ITGA2B: variants seen among roughly 807,000 people sequenced by gnomAD.
ITGA2B encodes integrin subunit alpha 2b.
ITGA2B carries 91 observed loss-of-function variants against 142.0 expected under a neutral mutation model. That is an observed-to-expected ratio of 0.64 (90% CI 0.54 to 0.76). The LOEUF is 0.76. Among genes scored for constraint, ITGA2B ranks in the 30% least tolerant of loss-of-function variants. The pLI, the probability that ITGA2B is intolerant of heterozygous loss-of-function variation, is 0.00. For missense variants in ITGA2B, 1,231 were observed against 1,350.8 expected (o/e 0.91, Z 1.39); for synonymous variants, 536 against 567.2 (o/e 0.94, Z 0.78).
At chr17:44,377,146 C>T in intron 21 of ITGA2B, 58 bp from the exon 22 acceptor site, 5 of 1,292,924 alleles carry the variant, frequency 3.9e-6, no homozygotes, top group Non-Finnish European at 5.5e-6. Context: ...GACAGCCCTG[C>T]CCTGAATGTG....
chr17:44,386,116 C>G lies in ITGA2B; in HGVS notation c.204G>C (p.Val68=). 1.2e-6 allele frequency: 2 copies of G among 1,601,138 alleles called. No individual in the cohort carries two copies. Among genetic ancestry groups the G allele is most frequent in the Non-Finnish European group, 8.5e-7 (1 of 1,176,178 alleles). The change falls in exon 2 of 30, where the codon GTG becomes GTC. Residue 68 remains valine, a synonymous_variant. Coordinates refer to ENST00000262407, the MANE Select transcript of ITGA2B (RefSeq NM_000419.5). ...KDSHGRVAIV[V]GAPRTLGPSQ... is the part of the protein sequence containing the mutation. ...TGGGGCCCAGGGTCCGCGGGGCGCCCACCACGATGGCCACTCTGCATAGGA... is the reference window on the plus strand; with the variant it reads ...TGGGGCCCAGGGTCCGCGGGGCGCCGACCACGATGGCCACTCTGCATAGGA...
Position 44,384,592 on chromosome 17 carries a change from A to T in ITGA2B, c.800-7T>A, listed in dbSNP as rs771587856. The T allele has an allele frequency of 6.2e-7, 1 of 1,614,006 alleles. No individual in the cohort carries two copies. The highest frequency in any genetic ancestry group is 8.5e-7 in the Non-Finnish European group (1 of 1,180,026). On this transcript the variant is annotated splice_region_variant and splice_polypyrimidine_tract_variant and intron_variant, in intron 7 of 29. Transcript: ENST00000262407. ...CCCACGGCCACCGAGTACCCTGAGG[A>T]CAAGGGCGCAAATTAGTCTTTTCCA...
At chr17:44,384,164 A>C in intron 9 of ITGA2B, 26 bp from the exon 10 acceptor site, 2 of 1,612,038 alleles carry the variant, frequency 1.2e-6, no homozygotes, top group Non-Finnish European at 1.7e-6. Flanking sequence ...AGGCGAGAGC[A>C]TCATTCTTGT....
At chr17:44,383,447 G>A (rs1485475164) in intron 12 of ITGA2B, 46 bp downstream of exon 12, 2 of 1,546,172 alleles carry the variant, frequency 1.3e-6, no homozygotes, top group Non-Finnish European at 1.8e-6. Flanking sequence ...CTTTTTGAGT[G>A]GCTGTTAACC....
chr17:44,379,465 G>C (rs971495005), intron 18 of ITGA2B, among the ~76,000 whole-genome samples: 1 of 151,794 alleles, frequency 6.6e-6, no homozygotes, highest in Admixed American at 6.6e-5. Flanking sequence ...TGTTGGCCAG[G>C]TTGGTCTCTA....
intron 20 of ITGA2B, among the ~76,000 whole-genome samples, chr17:44,378,090 A>T (rs1399353822): frequency 6.6e-6 from 1 of 152,190 alleles, no homozygotes; most frequent in Non-Finnish European, 1.5e-5. Context: ...CAATATTGAA[A>T]AAAAGACTGG....
rs1003291622 is a variant in ITGA2B, at chr17:44,375,673, G to A, written c.2645C>T (p.Pro882Leu). 12 of 1,606,228 alleles carry A rather than the reference G, an allele frequency of 7.5e-6. No individual in the cohort carries two copies. Among genetic ancestry groups the A allele is most frequent in the Non-Finnish European group, 1.0e-5 (12 of 1,176,676 alleles). The change falls in exon 26 of 30, where the codon CCG becomes CTG. Residue 882 changes from proline to leucine, a missense_variant. Around this residue, in one of 3 missense-constraint regions of ITGA2B, gnomAD observed 908 missense variants for 1,021.1 expected, o/e 0.89. Coordinates refer to ENST00000262407, the MANE Select transcript of ITGA2B (RefSeq NM_000419.5). ...TCTGCGATCCCGCTTGTGATGGGCCGGGTGAATGGGGGAGGGGCTGGGGAT... is the reference window on the plus strand; with the variant it reads ...TCTGCGATCCCGCTTGTGATGGGCCAGGTGAATGGGGGAGGGGCTGGGGAT... ...LPIPSPSPIH[P>L]AHHKRDRRQI...
intron 13 of ITGA2B, 93 bp downstream of exon 13, chr17:44,380,786 C>T: frequency 6.3e-7 from 1 of 1,587,860 alleles, no homozygotes; most frequent in Non-Finnish European, 8.6e-7. Context: ...GACACCAGGC[C>T]AGGCATGAGC....
At chr17:44,373,055 A>T (rs866666173) in intron 29 of ITGA2B, among the ~76,000 whole-genome samples, 14 of 151,932 alleles carry the variant, frequency 9.2e-5, no homozygotes, top group South Asian at 4.1e-4. Context: ...AATTTTTTTT[A>T]AAAAACTTTT....
At chr17:44,379,063 C>T (rs1273610421) in intron 18 of ITGA2B, among the ~76,000 whole-genome samples, 1 of 151,670 alleles carries the variant, frequency 6.6e-6, no homozygotes, top group Non-Finnish European at 1.5e-5. Context: ...TCTCCTGCCT[C>T]AGCCTCCCAA....
rs777154752 is a variant in ITGA2B at position 44,377,737 on chromosome 17, C to T, written c.2148G>A (p.Val716=). The part of the protein sequence containing the change: ...NQKKENETRV[V]LCELGNPMKK... ...TCATGGGGTTGCCCAGCTCACACAG[C>T]ACCACCCTGGTCTCATTCTCCTTCT... Residue 716 remains valine (V), a synonymous_variant, in exon 21 of 30, where the codon GTG becomes GTA. Coordinates refer to ENST00000262407, the MANE Select transcript of ITGA2B (RefSeq NM_000419.5). 15 of 1,613,988 alleles carry T rather than the reference C, an allele frequency of 9.3e-6. No homozygotes were observed. The highest frequency in any genetic ancestry group is 2.2e-5 in the East Asian group (1 of 44,892).
At chr17:44,378,238 A>T (rs1375839616) in intron 20 of ITGA2B, 124 bp downstream of exon 20, 2 of 1,269,844 alleles carry the variant, frequency 1.6e-6, no homozygotes, top group African/African-American at 1.5e-5. Context: ...TAAAAAAAAA[A>T]TAAAAAATTA....
intron 1 of ITGA2B, among the ~76,000 whole-genome samples, chr17:44,387,922 C>G (rs1225121419): frequency 6.6e-6 from 1 of 152,018 alleles, no homozygotes; most frequent in Admixed American, 6.6e-5. Context: ...AATGCCTCCC[C>G]CACACCTGCC....
At position 44,380,289 on chromosome 17, in the gene ITGA2B, C is replaced by T. The variant is rs1224372315; in HGVS notation, c.1557G>A (p.Gln519=). ...TGTGCCCAGTGGCTCCAACACACAT[C>T]TGGATGTTGAAGCTGCAAAGACGTA... ...TKTPVSCFNI[Q]MCVGATGHNI... is the part of the protein sequence containing the mutation. The change falls in exon 16 of 30, where the codon CAG becomes CAA. Residue 519 remains glutamine (Q), a synonymous_variant. Coordinates refer to ENST00000262407, the MANE Select transcript of ITGA2B (RefSeq NM_000419.5). 2 of 1,614,116 alleles carry T rather than the reference C, an allele frequency of 1.2e-6. No homozygotes were observed. The highest frequency in any genetic ancestry group is 1.7e-6 in the Non-Finnish European group (2 of 1,180,056).
chr17:44,385,564 C>T lies in ITGA2B; in HGVS notation c.561G>A (p.Val187=), dbSNP rs1239276469. The T allele has an allele frequency of 1.3e-6, 2 of 1,589,440 alleles. No individual in the cohort carries two copies. Among genetic ancestry groups the T allele is most frequent in the South Asian group, 1.1e-5 (1 of 89,260 alleles). ...GCTGGCGCTTACTAAAATCATTTTC[C>T]ACGTAAATGCGGCTCAGGGTGTTCC... is the stretch of plus-strand genomic sequence containing the variant. ...CRGNTLSRIY[V]ENDFSWDKRY... is the part of the protein sequence containing the mutation. The change falls in exon 4 of 30, where the codon GTG becomes GTA. Residue 187 remains valine (V), a synonymous_variant. Coordinates refer to ENST00000262407, the MANE Select transcript of ITGA2B (RefSeq NM_000419.5).
rs1002295874 is a variant in ITGA2B, at chr17:44,373,930, G to A, written c.3060+424C>T. ...ATTTTTTTCTTTTTTTTTTGAGATG[G>A]AGGCTCGCTCTGTTGCCCAAGCTGG... On this transcript the variant is annotated intron_variant, in intron 29 of 29. Transcript: ENST00000262407. 2.6e-5 allele frequency: 5 copies of A among 191,206 alleles called. No homozygotes were observed. The Admixed American group carries it at 2.7e-4, about 10-fold the overall frequency. 11.8% of individuals were successfully genotyped at this position (191,206 alleles called of 1,614,324 possible).
chr17:44,373,219 C>A (rs1246640363), intron 29 of ITGA2B, among the ~76,000 whole-genome samples: 2 of 151,866 alleles, frequency 1.3e-5, no homozygotes, highest in Non-Finnish European at 2.9e-5. Context: ...CTCACTGCAA[C>A]CTTCACCTCC....
intron 1 of ITGA2B, among the ~76,000 whole-genome samples, chr17:44,387,526 A>C (rs748565485): frequency 1.3e-5 from 2 of 150,464 alleles, no homozygotes; most frequent in Non-Finnish European, 3.0e-5. Flanking sequence ...TCCATCTCAA[A>C]AAAAAAGAAG....
chr17:44,374,952 T>TGC, intron 27 of ITGA2B, 46 bp downstream of exon 27: 2 of 1,465,140 alleles, frequency 1.4e-6, no homozygotes, highest in Non-Finnish European at 1.8e-6. Context: ...AGCAAAGTGG[T>TGC]CCCCGCCCAG....
Sources: allele counts gnomAD v4.1 joint callset (sites outside exome capture counted in the v4.1 genomes callset), GRCh38; gene constraint gnomAD v4.1.1; regional missense constraint gnomAD v4.1.1; transcripts MANE v1.5; gene names NCBI Gene and HGNC (gene_info 2026-07-23, HGNC 2026-07-21).